The following RBFOX1 variants were observed in gnomAD, a reference collection of about 807,000 sequenced individuals.
The protein encoded by RBFOX1 is RNA binding protein fox-1 homolog 1.
A neutral mutation model predicts 57.7 loss-of-function variants in RBFOX1; 8 were observed. The ratio of observed to expected loss-of-function variants is 0.14; its 90% CI spans 0.08 to 0.25. RBFOX1 has a LOEUF of 0.25. Among genes scored for constraint, RBFOX1 ranks in the 10% least tolerant of loss-of-function variants. RBFOX1 has a pLI of 1.00. For synonymous variants in RBFOX1, 326 were observed against 222.4 expected (o/e 1.47, Z -4.15); for missense variants, 611 against 548.5 (o/e 1.11, Z -1.14).
chr16:6,124,172 G>T (rs2096571890), intron 1 of RBFOX1, among the ~76,000 whole-genome samples: 1 of 152,088 alleles, frequency 6.6e-6, no homozygotes, highest in African/African-American at 2.4e-5. Flanking sequence ...GAGGTATTTG[G>T]CATCAAAAAC....
chr16:6,819,072 G>C (rs965927559), intron 3 of RBFOX1, among the ~76,000 whole-genome samples: 1 of 152,178 alleles, frequency 6.6e-6, no homozygotes, highest in African/African-American at 2.4e-5. Context: ...AATGAGTTCT[G>C]TCTGAATCCA....
chr16:6,675,812 T>C (rs568349310), intron 3 of RBFOX1, among the ~76,000 whole-genome samples: 1 of 152,120 alleles, frequency 6.6e-6, no homozygotes, highest in Admixed American at 6.5e-5. Context: ...ACGAATCAAT[T>C]ATCTCCCACC....
intron 3 of RBFOX1, among the ~76,000 whole-genome samples, chr16:6,706,541 T>A (rs112230682): frequency 6.6e-6 from 1 of 152,124 alleles, no homozygotes; most frequent in Non-Finnish European, 1.5e-5. Context: ...TTTCTGTGCA[T>A]GGGGACAAAA....
intron 4 of RBFOX1, among the ~76,000 whole-genome samples, chr16:7,319,617 A>C (rs1321997821): frequency 6.6e-6 from 1 of 152,132 alleles, no homozygotes; most frequent in Admixed American, 6.5e-5. Context: ...GCCTCAGAAG[A>C]GATTTCAGCA....
chr16:7,441,185 G>A (rs1294744213), intron 4 of RBFOX1, among the ~76,000 whole-genome samples: 3 of 152,172 alleles, frequency 2.0e-5, no homozygotes, highest in South Asian at 2.1e-4. Context: ...GGAAACTCAG[G>A]AAATTAATGC....
intron 4 of RBFOX1, among the ~76,000 whole-genome samples, chr16:7,070,842 G>C (rs879604893): frequency 1.3e-5 from 2 of 152,158 alleles, no homozygotes; most frequent in Non-Finnish European, 2.9e-5. Flanking sequence ...TAACTGCACA[G>C]ACACCAAATT....
chr16:7,151,275 A>G (rs1232437857), intron 4 of RBFOX1, among the ~76,000 whole-genome samples: 1 of 152,232 alleles, frequency 6.6e-6, no homozygotes. Context: ...ACTTGGATTC[A>G]GAATGGTTCT....
intron 14 of RBFOX1, among the ~76,000 whole-genome samples, chr16:7,686,926 G>T (rs1031193742): frequency 2.0e-5 from 3 of 152,082 alleles, no homozygotes; most frequent in African/African-American, 7.2e-5. Flanking sequence ...CCAAAACTCA[G>T]ATCTTTTTTT....
chr16:6,807,446 A>C (rs915857639), intron 3 of RBFOX1, among the ~76,000 whole-genome samples: 1 of 152,024 alleles, frequency 6.6e-6, no homozygotes, highest in Non-Finnish European at 1.5e-5. Context: ...ATGCTGGAGG[A>C]ATGTTGGAGT....
intron 2 of RBFOX1, among the ~76,000 whole-genome samples, chr16:6,515,693 A>C (rs1217071101): frequency 6.6e-6 from 1 of 152,076 alleles, no homozygotes; most frequent in Non-Finnish European, 1.5e-5. Context: ...CCATTTCTCA[A>C]AACCCTCCCC....
At chr16:7,317,646 C>G (rs150821118) in intron 4 of RBFOX1, among the ~76,000 whole-genome samples, 13 of 152,270 alleles carry the variant, frequency 8.5e-5, no homozygotes, top group African/African-American at 3.1e-4. Flanking sequence ...GAAATGTCCA[C>G]TGAGCAGTAC....
At chr16:5,493,458 G>C (rs2042899914) in intron 2 of RBFOX1, among the ~76,000 whole-genome samples, 1 of 152,148 alleles carries the variant, frequency 6.6e-6, no homozygotes, top group African/African-American at 2.4e-5. Context: ...TAATGAGTTG[G>C]AAATAGAAAG....
At chr16:7,465,196 C>G (rs1343626233) in intron 4 of RBFOX1, among the ~76,000 whole-genome samples, 1 of 152,158 alleles carries the variant, frequency 6.6e-6, no homozygotes, top group African/African-American at 2.4e-5. Context: ...ACAAACCTAG[C>G]TCAATCTTGT....
chr16:5,819,984 C>A (rs906785803), intron 3 of RBFOX1, among the ~76,000 whole-genome samples: 1 of 152,232 alleles, frequency 6.6e-6, no homozygotes, highest in African/African-American at 2.4e-5. Flanking sequence ...TACAAGCCAA[C>A]ATCCCCCACC....
At chr16:7,681,520 C>G (rs1039041807) in intron 14 of RBFOX1, among the ~76,000 whole-genome samples, 21 of 152,080 alleles carry the variant, frequency 1.4e-4, no homozygotes, top group Admixed American at 1.2e-3. Context: ...AATAGACAGG[C>G]AAATAAGTAT....
chr16:7,245,964 A>G (rs2094281086), intron 4 of RBFOX1, among the ~76,000 whole-genome samples: 1 of 152,182 alleles, frequency 6.6e-6, no homozygotes, highest in Non-Finnish European at 1.5e-5. Flanking sequence ...CCATCCCTGA[A>G]AAAAAGTATA....
chr16:5,524,324 C>T (rs563758350), intron 2 of RBFOX1, among the ~76,000 whole-genome samples: 3 of 152,242 alleles, frequency 2.0e-5, no homozygotes, highest in African/African-American at 4.8e-5. Flanking sequence ...CCCCATTCAA[C>T]CTTTATTCTT....
intron 2 of RBFOX1, among the ~76,000 whole-genome samples, chr16:6,505,297 C>T (rs1598423139): frequency 6.6e-6 from 1 of 152,206 alleles, no homozygotes; most frequent in Admixed American, 6.5e-5. Flanking sequence ...TTCATTTTCA[C>T]CCTGATATTC....
chr16:7,707,453 G>C (rs541544056), intron 14 of RBFOX1, among the ~76,000 whole-genome samples: 1 of 152,182 alleles, frequency 6.6e-6, no homozygotes, highest in African/African-American at 2.4e-5. Context: ...AGGGATGAGA[G>C]ACGAGCTGAA....
Sources: allele counts gnomAD v4.1 joint callset (sites outside exome capture counted in the v4.1 genomes callset), GRCh38; gene constraint gnomAD v4.1.1; transcripts MANE v1.5; gene names NCBI Gene and HGNC (gene_info 2026-07-23, HGNC 2026-07-21).